Variants in AGAP3 observed in about 807,000 individuals in gnomAD.
AGAP3 encodes the protein ArfGAP with GTPase domain, ankyrin repeat and PH domain 3.
AGAP3 carries 24 observed loss-of-function variants against 96.9 expected under a neutral mutation model. The ratio of observed to expected loss-of-function variants is 0.25; its 90% confidence interval spans 0.18 to 0.35. The LOEUF is 0.35. AGAP3 is among the 10% of genes least tolerant of loss of function. AGAP3 has a pLI of 1.00. For missense variants in AGAP3, 876 were observed against 1,254.2 expected (o/e 0.70, Z 4.55); for synonymous variants, 563 against 536.1 (o/e 1.05, Z -0.69).
chr7:151,127,032 T>A (rs1327591501), intron 9 of AGAP3, among the ~76,000 whole-genome samples: 1 of 152,196 alleles, frequency 6.6e-6, no homozygotes, highest in Non-Finnish European at 1.5e-5. Context: ...TCACAGCTGC[T>A]GGGGCCGCTG....
At chr7:151,125,206 T>G (rs757343501) in intron 9 of AGAP3, among the ~76,000 whole-genome samples, 21 of 152,140 alleles carry the variant, frequency 1.4e-4, no homozygotes, top group Non-Finnish European at 2.9e-4. Context: ...AGGGAAGGCG[T>G]GGGCGGTGAG....
Position 151,143,517 on chromosome 7 carries a change from A to G in AGAP3, c.2450A>G (p.Tyr817Cys). 1.9e-6 allele frequency: 3 copies of G among 1,614,136 alleles called. No homozygotes were observed. Among genetic ancestry groups the G allele is most frequent in the Non-Finnish European group, 2.5e-6 (3 of 1,180,010 alleles). ...HGSKEEVNET[Y>C]GDGDGRTALH... ...TCCAAAGAGGAGGTGAATGAGACCTATGGGGACGGGGACGGGCGGACGGCT... is the reference window on the plus strand; with the variant it reads ...TCCAAAGAGGAGGTGAATGAGACCTGTGGGGACGGGGACGGGCGGACGGCT... Residue 817 changes from tyrosine to cysteine, a missense_variant, in exon 17 of 18, where the codon TAT becomes TGT. This residue lies in a region of AGAP3 where 213 missense variants were observed against 253.8 expected (regional missense o/e 0.84). Transcript: ENST00000397238. The surrounding 1 kb of genome is among the most constrained non-coding windows in gnomAD (Gnocchi z 5.9).
intron 1 of AGAP3, among the ~76,000 whole-genome samples, chr7:151,113,315 G>A (rs752726074): frequency 4.5e-4 from 68 of 152,320 alleles, no homozygotes; most frequent in Admixed American, 2.6e-4. Flanking sequence ...GGAAGAAGCC[G>A]TCTTCACCAA....
chr7:151,136,415 C>T (rs1027316083), intron 11 of AGAP3: 2 of 152,260 alleles, frequency 1.3e-5, no homozygotes, highest in African/African-American at 4.8e-5. Flanking sequence ...CCCACCCAGC[C>T]CGCGTCCCGC....
chr7:151,086,364 C>T (rs1016519962), upstream of AGAP3, among the ~76,000 whole-genome samples: 1 of 21,368 alleles, frequency 4.7e-5, no homozygotes, highest in African/African-American at 1.8e-4. Context: ...GCAGGAGGGG[C>T]GGGGGCGGCG....
At chr7:151,121,318 A>G (rs1585083221) in intron 8 of AGAP3, among the ~76,000 whole-genome samples, 2 of 151,734 alleles carry the variant, frequency 1.3e-5, no homozygotes, top group South Asian at 2.1e-4. Flanking sequence ...CTTTCTATCC[A>G]TGGCCATTGA....
chr7:151,115,442 C>T (rs1799520110), intron 1 of AGAP3: 2 of 1,010,754 alleles, frequency 2.0e-6, no homozygotes, highest in South Asian at 4.5e-5. Flanking sequence ...ACGCCGGCTC[C>T]CTAGGCGCCT....
rs1224951248 is a variant in AGAP3, at chr7:151,141,573, G to A, written c.1805-325G>A. On this transcript the variant is annotated intron_variant, in intron 13 of 17. Coordinates refer to ENST00000397238, the MANE Select transcript of AGAP3 (RefSeq NM_031946.7). The surrounding 1 kb of genome is among the most constrained non-coding windows in gnomAD (Gnocchi z 4.2). ...CGTCACATCCTTCTCCAGATACTCA[G>A]CTCTTTCTGTGGGATGCACCCCTCT... The A allele has an allele frequency of 5.6e-6, 2 of 358,346 alleles. No homozygotes were observed. Among genetic ancestry groups the A allele is most frequent in the Non-Finnish European group, 1.0e-5 (2 of 190,668 alleles). The allele number at this position is 358,346 out of a possible 1,614,324, so 22.2% of individuals were successfully genotyped here.
At chr7:151,089,299 C>T (rs928850515) in intron 1 of AGAP3, among the ~76,000 whole-genome samples, 4 of 152,184 alleles carry the variant, frequency 2.6e-5, no homozygotes, top group African/African-American at 4.8e-5. Context: ...GAGGGAGAGG[C>T]GCAGACTCCC....
intron 11 of AGAP3, 30 bp downstream of exon 11, chr7:151,134,598 G>C (rs749395698): frequency 6.4e-7 from 1 of 1,571,730 alleles, no homozygotes; most frequent in East Asian, 2.3e-5. Context: ...GGGGGCCTGG[G>C]GGGTGGCTGC....
At position 151,120,947 on chromosome 7, in the gene AGAP3, G is replaced by C. The variant is rs1799854236; in HGVS notation, c.1128+802G>C. On this transcript the variant is annotated intron_variant, in intron 8 of 17. Coordinates refer to ENST00000397238, the MANE Select transcript of AGAP3 (RefSeq NM_031946.7). ...AGCCGGGCTTGGCTGGATGTTCCAG[G>C]AGTCTTGGGCCAGACAAAGGTGGGT... is the stretch of plus-strand genomic sequence containing the variant. 4 of 844,432 alleles carry C rather than the reference G, an allele frequency of 4.7e-6. No individual in the cohort carries two copies. The African/African-American group carries it at 7.3e-5, about 15-fold the overall frequency. The allele number at this position is 844,432 out of a possible 1,614,324, so 52.3% of individuals were successfully genotyped here.
At chr7:151,115,132 G>T in intron 1 of AGAP3, 1 of 1,039,102 alleles carries the variant, frequency 9.6e-7, no homozygotes, top group Non-Finnish European at 1.2e-6. Flanking sequence ...CCGACTCCGC[G>T]GCCCCGGCCG....
In AGAP3 at chr7:151,114,737, C is replaced by G; in HGVS notation, c.332-2056C>G. On this transcript the variant is annotated intron_variant, in intron 1 of 17. Coordinates refer to ENST00000397238, the MANE Select transcript of AGAP3 (RefSeq NM_031946.7). The surrounding 1 kb of genome is among the most constrained non-coding windows in gnomAD (Gnocchi z 4.4). ...CCCGGGCCCAGCCCCGTGCCCCTCGCCATGGGCCTGGCCCGCGCCCGCCGG... is the reference window on the plus strand; with the variant it reads ...CCCGGGCCCAGCCCCGTGCCCCTCGGCATGGGCCTGGCCCGCGCCCGCCGG... 9.9e-7 allele frequency: 1 copy of G among 1,013,142 alleles called. No homozygotes were observed. The allele number at this position is 1,013,142 out of a possible 1,614,324, so 62.8% of individuals were successfully genotyped here. A position where few individuals can be genotyped will look rare whatever the true frequency, so the allele number is the denominator to read the frequency against.
chr7:151,137,983 G>A (rs550651183), intron 11 of AGAP3, 160 bp from the exon 12 acceptor site: 13 of 619,760 alleles, frequency 2.1e-5, no homozygotes, highest in South Asian at 3.9e-5. Context: ...GGGTCCCTGC[G>A]CAGCCTCTGG....
rs146645281 is a variant in AGAP3 at position 151,133,507 on chromosome 7, G to A, written c.1327-893G>A. 8.7e-3 allele frequency among the ~76,000 whole-genome samples: 1,267 copies of A among 145,226 alleles called. 11 individuals are homozygous for A. Among genetic ancestry groups the A allele is most frequent in the Middle Eastern group, 0.014 (4 of 288 alleles). ...AAGCACAAAGTGGCCCCCCATCTCC[G>A]GGGCCCTGACTTGAAAGCAGGGTGA... On this transcript the variant is annotated intron_variant, in intron 10 of 17. Coordinates refer to ENST00000397238, the MANE Select transcript of AGAP3 (RefSeq NM_031946.7). The surrounding 1 kb of genome is among the most constrained non-coding windows in gnomAD (Gnocchi z 5.4).
intron 7 of AGAP3, among the ~76,000 whole-genome samples, chr7:151,119,004 C>G (rs1251316387): frequency 6.6e-6 from 1 of 152,260 alleles, no homozygotes; most frequent in Non-Finnish European, 1.5e-5. Flanking sequence ...TCTCCAAGGC[C>G]TGCCCTGGCT....
At chr7:151,115,367 G>A (rs1799512998) in intron 1 of AGAP3, 2 of 1,023,450 alleles carry the variant, frequency 2.0e-6, no homozygotes, top group Non-Finnish European at 2.3e-6. Context: ...GCGGCCAGGA[G>A]GTGCGGCGCT....
At position 151,116,826 on chromosome 7, in the gene AGAP3, G is replaced by A. The variant is rs1281923612; in HGVS notation, c.365G>A (p.Ser122Asn). ...SFVNSQEWTL[S>N]RSVPELKVGI... The stretch of plus-strand genomic sequence containing the variant: ...GTGAACAGCCAGGAGTGGACGCTGA[G>A]CCGCTCCGTACCGGAGCTTAAAGTG... Residue 122 changes from serine to asparagine, a missense_variant, in exon 2 of 18, where the codon AGC (serine) becomes AAC (asparagine). This residue lies in a region of AGAP3 where 131 missense variants were observed against 304.5 expected (regional missense o/e 0.43). Transcript: ENST00000397238. The A allele has an allele frequency of 3.1e-6, 5 of 1,614,022 alleles. No homozygotes were observed. The highest frequency in any genetic ancestry group is 4.2e-6 in the Non-Finnish European group (5 of 1,180,022).
intron 1 of AGAP3, among the ~76,000 whole-genome samples, chr7:151,104,993 G>C (rs1336665298): frequency 6.6e-6 from 1 of 152,224 alleles, no homozygotes; most frequent in Non-Finnish European, 1.5e-5. Context: ...ACTGCAGCGT[G>C]AGCAGGAGCT....
Sources: allele counts gnomAD v4.1 joint callset (sites outside exome capture counted in the v4.1 genomes callset), GRCh38; gene constraint gnomAD v4.1.1; regional missense constraint gnomAD v4.1.1; non-coding constraint Gnocchi (gnomAD v3.1); transcripts MANE v1.5; gene names NCBI Gene and HGNC (gene_info 2026-07-23, HGNC 2026-07-21).